The following JAM2 variants were observed in gnomAD, a reference collection of about 807,000 sequenced individuals.
The protein encoded by JAM2 is junctional adhesion molecule 2.
JAM2 carries 17 observed loss-of-function variants against 42.0 expected under a neutral mutation model. The ratio of observed to expected loss-of-function variants is 0.40; its 90% CI spans 0.28 to 0.61. The LOEUF (loss-of-function observed/expected upper bound fraction) is 0.61, where lower values mean the gene tolerates loss of function less well. Ranked by LOEUF, JAM2 falls within the 20% of genes least tolerant of loss-of-function variation. The pLI is 0.37. For synonymous variants in JAM2, 118 were observed against 128.6 expected (o/e 0.92, Z 0.56); for missense variants, 319 against 358.3 (o/e 0.89, Z 0.89).
At chr21:25,688,254 G>GTGTGTGTGTGTGTGTGTGTGTATGTA (rs1362126223) in intron 2 of JAM2, among the ~76,000 whole-genome samples, 1 of 151,932 alleles carries the variant, frequency 6.6e-6, no homozygotes, top group Non-Finnish European at 1.5e-5. Context: ...GTGTGTGTGT[G>GTGTGTGTGTGTGTGTGTGTGTATGTA]TGTGTGTGTG....
At chr21:25,640,114 T>C (rs527556676) in intron 1 of JAM2, among the ~76,000 whole-genome samples, 47 of 152,284 alleles carry the variant, frequency 3.1e-4, no homozygotes, top group Admixed American at 2.3e-3. Context: ...GCGTCTGATT[T>C]TGTCAGTTCT....
At position 25,639,818 on chromosome 21, in the gene JAM2, G is replaced by A. The variant is rs2032374702; in HGVS notation, c.-4G>A. On this transcript the variant is annotated 5_prime_UTR_variant, in exon 1 of 10. Coordinates refer to ENST00000480456, the MANE Select transcript of JAM2 (RefSeq NM_021219.4). ...TCAGAGCAGCCGGCTGCCGCCCCGG[G>A]AAGATGGCGAGGAGGAGCCGCCACC... The A allele has an allele frequency of 3.8e-6, 6 of 1,580,538 alleles. No homozygotes were observed. Among genetic ancestry groups the A allele is most frequent in the Non-Finnish European group, 5.1e-6 (6 of 1,166,412 alleles).
Position 25,709,436 on chromosome 21 carries a change from G to A in JAM2, c.808G>A (p.Glu270Lys), listed in dbSNP as rs757272280. The A allele has an allele frequency of 4.0e-5, 57 of 1,432,688 alleles. No homozygotes were observed. The highest frequency in any genetic ancestry group is 5.1e-5 in the Non-Finnish European group (53 of 1,032,126). 88.7% of individuals were successfully genotyped at this position (1,432,688 alleles called of 1,614,324 possible). Residue 270 changes from glutamate (E) to lysine (K), a missense_variant and splice_region_variant, in exon 8 of 10, where the codon GAA (glutamate) becomes AAA (lysine). Transcript: ENST00000480456. Reference protein sequence around the residue: ...YAQRKGYFSKETSFQKSNSSS... With the variant: ...YAQRKGYFSKKTSFQKSNSSS... Reference sequence around the variant, plus strand: ...GATATATACTTTTTCTTTTGTAGAAGAAACCTCCTTCCAGTAAGTATACTT... The same window carrying A: ...GATATATACTTTTTCTTTTGTAGAAAAAACCTCCTTCCAGTAAGTATACTT...
chr21:25,672,001 A>T (rs2033373186), intron 1 of JAM2, among the ~76,000 whole-genome samples: 1 of 152,246 alleles, frequency 6.6e-6, no homozygotes, highest in African/African-American at 2.4e-5. Context: ...ATATAAAGGA[A>T]GTTTGAAACA....
chr21:25,640,403 G>A (rs759522569), intron 1 of JAM2, among the ~76,000 whole-genome samples: 1 of 152,194 alleles, frequency 6.6e-6, no homozygotes, highest in Non-Finnish European at 1.5e-5. Context: ...GGAATTCGTG[G>A]CTGCTGAGCC....
intron 1 of JAM2, among the ~76,000 whole-genome samples, chr21:25,678,691 G>T (rs953186256): frequency 2.0e-5 from 3 of 152,194 alleles, no homozygotes; most frequent in Non-Finnish European, 4.4e-5. Flanking sequence ...TAGACACCAC[G>T]TTTGCCAGTT....
chr21:25,703,375 T>A (rs1008711602), intron 6 of JAM2, among the ~76,000 whole-genome samples: 1 of 152,264 alleles, frequency 6.6e-6, no homozygotes, highest in African/African-American at 2.4e-5. Context: ...AGGACCACTT[T>A]AATTTGAACA....
chr21:25,699,009 G>A lies in JAM2; in HGVS notation c.597+130G>A, dbSNP rs2034102538. 5 of 761,902 alleles carry A rather than the reference G, an allele frequency of 6.6e-6. 1 individual carries two copies. In the South Asian group the frequency reaches 8.8e-5, roughly 13 times the overall value. The allele number at this position is 761,902 out of a possible 1,614,324, so 47.2% of individuals were successfully genotyped here. A position where few individuals can be genotyped will look rare whatever the true frequency, so the allele number is the denominator to read the frequency against. On this transcript the variant is annotated intron_variant, in intron 5 of 9. Coordinates refer to ENST00000480456, the MANE Select transcript of JAM2 (RefSeq NM_021219.4). ...TAAGTGGAGAGAGGCAGGGGCACCA[G>A]GAAAGATGGCAGCACTTGTACCACG... is the stretch of plus-strand genomic sequence containing the variant.
Position 25,693,743 on chromosome 21 carries a change from C to G in JAM2, c.242-13C>G. 1 of 1,609,060 alleles carries G rather than the reference C, an allele frequency of 6.2e-7. No homozygotes were observed. Among genetic ancestry groups the G allele is most frequent in the Non-Finnish European group, 8.5e-7 (1 of 1,175,716 alleles). On this transcript the variant is annotated splice_polypyrimidine_tract_variant and intron_variant, in intron 3 of 9. Coordinates refer to ENST00000480456, the MANE Select transcript of JAM2 (RefSeq NM_021219.4). ...GGATTATTACTAACATCAATGTCTT[C>G]TTTTTCTAAAAGGTGATTTTAAAAA...
chr21:25,652,537 G>T (rs2032811437), intron 1 of JAM2, among the ~76,000 whole-genome samples: 1 of 151,826 alleles, frequency 6.6e-6, no homozygotes, highest in Non-Finnish European at 1.5e-5. Context: ...GACAAAAATA[G>T]CTACAAATAT....
chr21:25,643,053 A>C (rs2123298447), intron 1 of JAM2, among the ~76,000 whole-genome samples: 1 of 152,336 alleles, frequency 6.6e-6, no homozygotes, highest in South Asian at 2.1e-4. Context: ...TCACGGTCCA[A>C]AGCCTTCAAC....
chr21:25,684,535 G>T (rs2033707173), intron 2 of JAM2, among the ~76,000 whole-genome samples: 1 of 152,008 alleles, frequency 6.6e-6, no homozygotes, highest in Admixed American at 6.6e-5. Context: ...TTAAAAAATT[G>T]TCAAAAGAAA....
Position 25,639,367 on chromosome 21 carries a change from C to G in JAM2, c.-455C>G, listed in dbSNP as rs2032353675. 1 of 158,248 alleles carries G rather than the reference C, an allele frequency of 6.3e-6. No individual in the cohort carries two copies. The highest frequency in any genetic ancestry group is 2.4e-5 in the African/African-American group (1 of 41,698). The allele number at this position is 158,248 out of a possible 1,614,324, so 9.8% of individuals were successfully genotyped here. ...CCGAGACACCCAATCCCCCCACCCC[C>G]AGCCTGCCCGCGCCTCCCGCCCCCA... is the stretch of plus-strand genomic sequence containing the variant. On this transcript the variant is annotated 5_prime_UTR_variant, in exon 1 of 10. Transcript: ENST00000480456.
rs559330835 is a variant in JAM2 at position 25,707,817 on chromosome 21, G to A, written c.806-1617G>A. Among the ~76,000 whole-genome samples, 5 of 152,122 alleles carry A rather than the reference G, an allele frequency of 3.3e-5. No homozygotes were observed. The East Asian group carries it at 5.8e-4, about 18-fold the overall frequency. ...AGTTCTAGACCCATTGTTTTACAGC[G>A]AACATTAATTTCGGAATTTAGATTT... On this transcript the variant is annotated intron_variant, in intron 7 of 9. Coordinates refer to ENST00000480456, the MANE Select transcript of JAM2 (RefSeq NM_021219.4).
intron 1 of JAM2, among the ~76,000 whole-genome samples, chr21:25,681,775 G>T (rs1209403812): frequency 6.6e-6 from 1 of 152,100 alleles, no homozygotes; most frequent in East Asian, 1.9e-4. Flanking sequence ...GAGGTCAGGA[G>T]ATCCAGACCA....
intron 1 of JAM2, among the ~76,000 whole-genome samples, chr21:25,655,149 G>T (rs1350299920): frequency 1.3e-5 from 2 of 152,072 alleles, no homozygotes; most frequent in Non-Finnish European, 2.9e-5. Context: ...TGATATATAT[G>T]ATTTGCTTTA....
At chr21:25,680,343 G>A (rs768480445) in intron 1 of JAM2, among the ~76,000 whole-genome samples, 1 of 152,222 alleles carries the variant, frequency 6.6e-6, no homozygotes. Flanking sequence ...GCATAAAGGT[G>A]AGAGATGGGA....
At chr21:25,663,182 G>T (rs192333972) in intron 1 of JAM2, among the ~76,000 whole-genome samples, 1 of 152,276 alleles carries the variant, frequency 6.6e-6, no homozygotes, top group East Asian at 1.9e-4. Context: ...CTTGAACATA[G>T]GGTTTGTAAG....
At chr21:25,652,573 A>G (rs1407204680) in intron 1 of JAM2, among the ~76,000 whole-genome samples, 1 of 152,234 alleles carries the variant, frequency 6.6e-6, no homozygotes, top group African/African-American at 2.4e-5. Flanking sequence ...ACTTTAAAAT[A>G]ATGATTTTGT....
Sources: allele counts gnomAD v4.1 joint callset (sites outside exome capture counted in the v4.1 genomes callset), GRCh38; gene constraint gnomAD v4.1.1; transcripts MANE v1.5; gene names NCBI Gene and HGNC (gene_info 2026-07-23, HGNC 2026-07-21).